The following ASIC2 variants were observed in gnomAD, a reference collection of about 807,000 sequenced individuals.
ASIC2 encodes acid-sensing ion channel 2.
A neutral mutation model predicts 57.3 loss-of-function variants in ASIC2; 25 were observed. The observed-to-expected ratio is 0.44, with a 90% CI of 0.32 to 0.61. ASIC2 has a LOEUF of 0.61. Ranked by LOEUF, ASIC2 falls within the 20% of genes least tolerant of loss-of-function variation. ASIC2 has a pLI of 0.06. For missense variants in ASIC2, 641 were observed against 738.1 expected, an observed-to-expected ratio of 0.87 and a Z score of 1.52; for synonymous variants, 319 against 307.5, an observed-to-expected ratio of 1.04 and a Z score of -0.39.
intron 1 of ASIC2, among the ~76,000 whole-genome samples, chr17:33,924,051 T>A (rs1368064250): frequency 2.0e-5 from 3 of 152,222 alleles, no homozygotes; most frequent in African/African-American, 7.2e-5. Context: ...CCCATCCCTC[T>A]CTTTATTTCT....
chr17:33,231,695 C>G (rs993944231), intron 1 of ASIC2, among the ~76,000 whole-genome samples: 2 of 152,020 alleles, frequency 1.3e-5, no homozygotes, highest in Non-Finnish European at 2.9e-5. Context: ...GCTCCCTGAC[C>G]CCATTATTTC....
intron 1 of ASIC2, among the ~76,000 whole-genome samples, chr17:33,678,853 A>G (rs1273754315): frequency 6.6e-6 from 1 of 152,078 alleles, no homozygotes; most frequent in Non-Finnish European, 1.5e-5. Context: ...CTCCCTTGTG[A>G]TTCACTACCA....
intron 1 of ASIC2, among the ~76,000 whole-genome samples, chr17:33,540,022 A>G (rs548688950): frequency 6.6e-6 from 1 of 152,314 alleles, no homozygotes; most frequent in South Asian, 2.1e-4. Flanking sequence ...CTGCCATAAC[A>G]AAGTACCCCA....
intron 1 of ASIC2, among the ~76,000 whole-genome samples, chr17:33,821,443 G>T (rs772603523): frequency 6.6e-6 from 1 of 152,096 alleles, no homozygotes; most frequent in Non-Finnish European, 1.5e-5. Context: ...GAGGCTTGGC[G>T]CATTTTGATC....
chr17:33,094,486 T>A (rs2092170256), intron 2 of ASIC2, among the ~76,000 whole-genome samples: 1 of 152,102 alleles, frequency 6.6e-6, no homozygotes, highest in Admixed American at 6.5e-5. Flanking sequence ...TTGTTAACAG[T>A]CTTTGATTAA....
intron 1 of ASIC2, among the ~76,000 whole-genome samples, chr17:33,619,264 T>G (rs1905702362): frequency 6.6e-6 from 1 of 152,198 alleles, no homozygotes; most frequent in African/African-American, 2.4e-5. Flanking sequence ...TCCATATACT[T>G]TTTATTTGTA....
chr17:33,944,541 G>A (rs1916264014), intron 1 of ASIC2, among the ~76,000 whole-genome samples: 1 of 152,200 alleles, frequency 6.6e-6, no homozygotes, highest in Non-Finnish European at 1.5e-5. Flanking sequence ...GCTGGATGGA[G>A]AGGAGAACCT....
intron 1 of ASIC2, among the ~76,000 whole-genome samples, chr17:33,546,142 T>TATATATGTAAATATATATACATAA (rs1915569367): frequency 6.7e-6 from 1 of 150,108 alleles, no homozygotes; most frequent in African/African-American, 2.4e-5. Flanking sequence ...TATACACATA[T>TATATATGTAAATATATATACATAA]GTATATGTAA....
At chr17:34,127,451 TG>T (rs1911821345) in intron 1 of ASIC2, among the ~76,000 whole-genome samples, 1 of 152,252 alleles carries the variant, frequency 6.6e-6, no homozygotes, top group Non-Finnish European at 1.5e-5. Flanking sequence ...CCAGACAATG[TG>T]GCCCCCACAG....
chr17:33,728,380 C>G (rs757194441), intron 1 of ASIC2, among the ~76,000 whole-genome samples: 8 of 152,170 alleles, frequency 5.3e-5, no homozygotes, highest in Non-Finnish European at 1.2e-4. Context: ...CCCCCCTACC[C>G]TATCCTGCTC....
At chr17:33,247,448 T>C (rs988542779) in intron 1 of ASIC2, among the ~76,000 whole-genome samples, 5 of 152,222 alleles carry the variant, frequency 3.3e-5, no homozygotes, top group Non-Finnish European at 7.3e-5. Context: ...TCTAAGTTTA[T>C]TTGGTTTTCA....
chr17:33,358,496 T>C (rs944505761), intron 1 of ASIC2, among the ~76,000 whole-genome samples: 2 of 152,238 alleles, frequency 1.3e-5, no homozygotes, highest in Admixed American at 6.5e-5. Context: ...TATTCATTTT[T>C]GTAGTGGACA....
At chr17:33,787,734 C>G (rs947430229) in intron 1 of ASIC2, among the ~76,000 whole-genome samples, 1 of 152,150 alleles carries the variant, frequency 6.6e-6, no homozygotes, top group Non-Finnish European at 1.5e-5. Flanking sequence ...CACTGAGCAC[C>G]TGGGAGGTAG....
intron 1 of ASIC2, among the ~76,000 whole-genome samples, chr17:33,668,178 C>T (rs993548517): frequency 1.3e-5 from 2 of 152,092 alleles, no homozygotes; most frequent in Non-Finnish European, 2.9e-5. Context: ...CATTGCTCCC[C>T]CTGCCTGGAG....
chr17:33,831,055 G>A (rs1186178730), intron 1 of ASIC2, among the ~76,000 whole-genome samples: 1 of 114,010 alleles, frequency 8.8e-6, no homozygotes, highest in Non-Finnish European at 1.6e-5. Flanking sequence ...GTTGCAATGA[G>A]CAGAGATTGC....
chr17:34,088,678 G>C (rs1301499304), intron 1 of ASIC2, among the ~76,000 whole-genome samples: 1 of 152,226 alleles, frequency 6.6e-6, no homozygotes, highest in Non-Finnish European at 1.5e-5. Flanking sequence ...CTTGAGCTGT[G>C]GTGGGCTCCA....
intron 1 of ASIC2, among the ~76,000 whole-genome samples, chr17:33,412,229 C>T (rs575547635): frequency 6.6e-6 from 1 of 152,308 alleles, no homozygotes; most frequent in African/African-American, 2.4e-5. Context: ...TGTATGACTG[C>T]CCAGCACAAC....
chr17:33,227,375 C>T (rs1464465763), intron 1 of ASIC2, among the ~76,000 whole-genome samples: 1 of 152,210 alleles, frequency 6.6e-6, no homozygotes, highest in African/African-American at 2.4e-5. Context: ...CTCCTGCCTG[C>T]AGCTCCAGTA....
At chr17:33,139,499 G>A (rs2092378993) in intron 1 of ASIC2, among the ~76,000 whole-genome samples, 2 of 152,298 alleles carry the variant, frequency 1.3e-5, no homozygotes, top group South Asian at 2.1e-4. Context: ...TTTGGGCACA[G>A]CCCCCCACAA....
Sources: gnomAD v4.1 joint callset for allele counts (sites outside exome capture counted in the v4.1 genomes callset) on GRCh38, gnomAD v4.1.1 for gene constraint, MANE v1.5 for transcripts, NCBI Gene and HGNC (gene_info 2026-07-23, HGNC 2026-07-21) for gene names.